Variants in EDA observed in about 807,000 individuals in gnomAD.
The protein encoded by EDA is ectodysplasin A.
A neutral mutation model predicts 23.6 loss-of-function variants in EDA; 2 were observed. The observed-to-expected ratio is 0.08, with a 90% CI of 0.03 to 0.27. The LOEUF is 0.27. EDA is among the 10% of genes least tolerant of loss of function. The probability of loss-of-function intolerance (pLI) is 1.00; values close to 1 mark genes in which losing one functional copy is unlikely to be tolerated. For synonymous variants in EDA, 131 were observed against 132.0 expected, an observed-to-expected ratio of 0.99 and a Z score of 0.05; for missense variants, 229 against 324.2, an observed-to-expected ratio of 0.71 and a Z score of 2.26.
chrX:69,673,240 T>C (rs1371466084), intron 1 of EDA, among the ~76,000 whole-genome samples: 1 of 111,494 alleles, frequency 9.0e-6, no homozygotes, highest in Admixed American at 9.5e-5. Flanking sequence ...TTTTGATTAA[T>C]AGGGAGAAAG....
intron 2 of EDA, among the ~76,000 whole-genome samples, chrX:70,019,283 G>A (rs142847281): frequency 0.013 from 1,440 of 111,909 alleles, 25 homozygotes; most frequent in African/African-American, 0.045. Flanking sequence ...AAAGCAGTGC[G>A]GTGATTCCTC....
chrX:69,715,544 G>T (rs2012292092), intron 1 of EDA, among the ~76,000 whole-genome samples: 1 of 111,704 alleles, frequency 9.0e-6, no homozygotes, highest in Admixed American at 9.5e-5. Context: ...TAGTGCTGCA[G>T]TGAACATACG....
chrX:69,849,114 C>A (rs1364428888), intron 1 of EDA, among the ~76,000 whole-genome samples: 1 of 74,280 alleles, frequency 1.3e-5, no homozygotes, highest in Non-Finnish European at 3.3e-5. Context: ...CACACACACA[C>A]ACACACACAC....
intron 1 of EDA, among the ~76,000 whole-genome samples, chrX:69,921,532 A>G (rs1334006724): frequency 9.1e-6 from 1 of 110,028 alleles, no homozygotes; most frequent in Non-Finnish European, 1.9e-5. Flanking sequence ...TCCACCATCC[A>G]TTTACTTGAT....
chrX:69,828,153 G>A (rs1317219249), intron 1 of EDA, among the ~76,000 whole-genome samples: 1 of 111,681 alleles, frequency 9.0e-6, no homozygotes, highest in Non-Finnish European at 1.9e-5. Context: ...CTGTCTTTTT[G>A]TTTGTCTGTG....
intron 1 of EDA, among the ~76,000 whole-genome samples, chrX:69,690,048 A>G (rs1223620743): frequency 4.5e-5 from 1 of 22,424 alleles, no homozygotes; most frequent in Admixed American, 6.6e-4. Flanking sequence ...TATTAGCTTT[A>G]GTAGGGTCTT....
At position 69,870,149 on chromosome X, in the gene EDA, A is replaced by G. The variant is rs747917044; in HGVS notation, c.397-86878A>G. ...TTTTAATCCATATTTCAGCTAACCA[A>G]GCAAATAAACTATTATAACCTTTTT... On this transcript the variant is annotated intron_variant, in intron 1 of 7. Coordinates refer to ENST00000374552, the MANE Select transcript of EDA (RefSeq NM_001399.5). Among the ~76,000 whole-genome samples, 3 of 111,636 alleles carry G rather than the reference A, an allele frequency of 2.7e-5. No individual in the cohort carries two copies. In the South Asian group the frequency reaches 1.1e-3, roughly 42 times the overall value.
intron 1 of EDA, among the ~76,000 whole-genome samples, chrX:69,826,148 TGTG>T (rs2016426855): frequency 9.0e-6 from 1 of 111,680 alleles, no homozygotes; most frequent in Non-Finnish European, 1.9e-5. Context: ...ATAGGTGTGA[TGTG>T]GTGCTGAGAA....
At chrX:69,664,509 C>T (rs1428110575) in intron 1 of EDA, among the ~76,000 whole-genome samples, 1 of 111,927 alleles carries the variant, frequency 8.9e-6, no homozygotes, top group Non-Finnish European at 1.9e-5. Context: ...ATTACTCGTC[C>T]TTATGTCTTT....
chrX:69,694,842 T>C (rs972234856), intron 1 of EDA, among the ~76,000 whole-genome samples: 3 of 112,264 alleles, frequency 2.7e-5, no homozygotes, highest in African/African-American at 9.7e-5. Context: ...TTACTTATTA[T>C]TTGACAACAC....
rs542591876 is a variant in EDA at position 69,836,503 on chromosome X, C to G, written c.397-120524C>G. Among the ~76,000 whole-genome samples, 50 of 112,634 alleles carry G rather than the reference C, an allele frequency of 4.4e-4. 1 individual carries two copies. The South Asian group carries it at 0.017, about 38-fold the overall frequency. ...GTTGGATCTCAGACTGCTGCGCTAC[C>G]AGTGAGCAAGGCTTTGTGGGTGTGG... On this transcript the variant is annotated intron_variant, in intron 1 of 7. Coordinates refer to ENST00000374552, the MANE Select transcript of EDA (RefSeq NM_001399.5).
At chrX:69,880,120 C>T (rs956003159) in intron 1 of EDA, among the ~76,000 whole-genome samples, 2 of 111,710 alleles carry the variant, frequency 1.8e-5, no homozygotes, top group African/African-American at 3.3e-5. Context: ...CCATTCACAA[C>T]GAACATGGGT....
At chrX:69,879,953 C>CAGT (rs1295636320) in intron 1 of EDA, among the ~76,000 whole-genome samples, 3 of 112,313 alleles carry the variant, frequency 2.7e-5, no homozygotes, top group Non-Finnish European at 5.6e-5. Context: ...TTCTCCAAAA[C>CAGT]AGTAGTAGTA....
intron 1 of EDA, among the ~76,000 whole-genome samples, chrX:69,750,752 C>T (rs1314766887): frequency 8.9e-6 from 1 of 111,845 alleles, no homozygotes; most frequent in Non-Finnish European, 1.9e-5. Context: ...GTGATTTTGA[C>T]TCGCATTTCT....
intron 1 of EDA, among the ~76,000 whole-genome samples, chrX:69,817,778 C>A (rs777064576): frequency 9.0e-5 from 10 of 111,382 alleles, no homozygotes; most frequent in Non-Finnish European, 1.7e-4. Flanking sequence ...TAGTGGGAAG[C>A]TTTGACACCC....
chrX:69,881,495 A>G (rs2017746113), intron 1 of EDA, among the ~76,000 whole-genome samples: 1 of 111,125 alleles, frequency 9.0e-6, no homozygotes, highest in South Asian at 3.8e-4. Flanking sequence ...TTCAGTCCTC[A>G]CCAACACATC....
intron 2 of EDA, among the ~76,000 whole-genome samples, chrX:69,975,825 T>TA (rs201559097): frequency 0.03 from 3,339 of 111,442 alleles, 85 homozygotes; most frequent in African/African-American, 0.086. Flanking sequence ...TTGGGTTACA[T>TA]AAAAAAAATC....
At chrX:69,831,113 G>A (rs753480326) in intron 1 of EDA, among the ~76,000 whole-genome samples, 3 of 110,955 alleles carry the variant, frequency 2.7e-5, no homozygotes, top group South Asian at 3.8e-4. Flanking sequence ...TGTGCACAAC[G>A]TACAAGTTTG....
At chrX:69,779,466 A>G (rs1245994324) in intron 1 of EDA, among the ~76,000 whole-genome samples, 1 of 111,557 alleles carries the variant, frequency 9.0e-6, no homozygotes, top group African/African-American at 3.3e-5. Context: ...TGAAATATCC[A>G]GAATAGGTAA....
Sources: gnomAD v4.1 joint callset for allele counts (sites outside exome capture counted in the v4.1 genomes callset) on GRCh38, gnomAD v4.1.1 for gene constraint, MANE v1.5 for transcripts, NCBI Gene and HGNC (gene_info 2026-07-23, HGNC 2026-07-21) for gene names.